The following ADCY2 variants were observed in gnomAD, a reference collection of about 807,000 sequenced individuals.
ADCY2 encodes the protein adenylate cyclase type 2.
Under a neutral mutation model 125.2 loss-of-function variants are expected in ADCY2, and 31 were observed. That is an observed-to-expected ratio of 0.25 (90% CI 0.19 to 0.33). ADCY2 has a LOEUF of 0.33. Among genes scored for constraint, ADCY2 ranks in the 10% least tolerant of loss-of-function variants. The pLI is 1.00. For missense variants in ADCY2, 904 were observed against 1,418.2 expected, an observed-to-expected ratio of 0.64 and a Z score of 5.82; for synonymous variants, 512 against 548.4, an observed-to-expected ratio of 0.93 and a Z score of 0.93.
chr5:7,564,584 T>A (rs1373503193), intron 3 of ADCY2, among the ~76,000 whole-genome samples: 1 of 152,112 alleles, frequency 6.6e-6, no homozygotes, highest in East Asian at 1.9e-4. Context: ...CTGCCTGTGA[T>A]CTTCATAGTT....
At chr5:7,559,352 G>T (rs1275404930) in intron 3 of ADCY2, among the ~76,000 whole-genome samples, 1 of 152,040 alleles carries the variant, frequency 6.6e-6, no homozygotes, top group East Asian at 1.9e-4. Context: ...TGATTTCTTT[G>T]AGCAGTATTT....
chr5:7,542,659 C>G (rs1004913695), intron 3 of ADCY2, among the ~76,000 whole-genome samples: 1 of 152,198 alleles, frequency 6.6e-6, no homozygotes, highest in Non-Finnish European at 1.5e-5. Context: ...CGCCACGCAG[C>G]AGCGCTGAGA....
At chr5:7,769,202 G>T (rs542010924) in intron 17 of ADCY2, among the ~76,000 whole-genome samples, 6 of 152,026 alleles carry the variant, frequency 3.9e-5, no homozygotes, top group African/African-American at 1.4e-4. Context: ...AAGTGAAAAG[G>T]TTTACCAAAA....
At chr5:7,412,036 C>G (rs1739737658) in intron 1 of ADCY2, among the ~76,000 whole-genome samples, 2 of 151,024 alleles carry the variant, frequency 1.3e-5, no homozygotes, top group African/African-American at 4.9e-5. Flanking sequence ...GATCCCGCCA[C>G]AGCACTCCAG....
intron 3 of ADCY2, among the ~76,000 whole-genome samples, chr5:7,573,593 C>CTGTTTTTT (rs1736134483): frequency 1.2e-5 from 1 of 86,376 alleles, no homozygotes; most frequent in Non-Finnish European, 2.4e-5. Flanking sequence ...GGTTGATTTT[C>CTGTTTTTT]TTTTTTTTTT....
intron 2 of ADCY2, among the ~76,000 whole-genome samples, chr5:7,438,618 A>G (rs1195833013): frequency 2.6e-5 from 4 of 152,170 alleles, no homozygotes; most frequent in African/African-American, 9.7e-5. Context: ...AGAAACACTG[A>G]ACTCTGAGTT....
At chr5:7,478,792 T>C (rs985860238) in intron 2 of ADCY2, among the ~76,000 whole-genome samples, 2 of 152,174 alleles carry the variant, frequency 1.3e-5, no homozygotes, top group Non-Finnish European at 2.9e-5. Context: ...AGATTTTACA[T>C]TATGTATTGG....
rs3033085 is a variant in ADCY2 at position 7,459,772 on chromosome 5, A to ATTTT, written c.408+45032_408+45035dup. Among the ~76,000 whole-genome samples the ATTTT allele has an allele frequency of 9.9e-3, 725 of 72,900 alleles. 64 individuals carry two copies. The highest frequency in any genetic ancestry group is 0.024 in the African/African-American group (391 of 16,358). The allele number at this position is 72,900 out of a possible 152,430, so 47.8% of individuals were successfully genotyped here. ...GAACTATCTAGCAGTTTAAGAGGTAATTTTTTTTTTTTTTTTTTTTTTTTT... is the reference window on the plus strand; with the variant it reads ...GAACTATCTAGCAGTTTAAGAGGTAATTTTTTTTTTTTTTTTTTTTTTTTTTTTT... On this transcript the variant is annotated intron_variant, in intron 2 of 24. Transcript: ENST00000338316.
chr5:7,679,285 C>T (rs1394863166), intron 4 of ADCY2, among the ~76,000 whole-genome samples: 2 of 151,962 alleles, frequency 1.3e-5, no homozygotes, highest in African/African-American at 4.8e-5. Flanking sequence ...GAGCGTGCTC[C>T]AGTGCGGGTC....
chr5:7,659,842 C>T lies in ADCY2; in HGVS notation c.721-30849C>T, dbSNP rs191208558. ...GCGAGAGCCTCCAGTTACATACTAC[C>T]TGCTTTCCAAACTGGTGTGCCTAAT... is the stretch of plus-strand genomic sequence containing the variant. On this transcript the variant is annotated intron_variant, in intron 4 of 24. Coordinates refer to ENST00000338316, the MANE Select transcript of ADCY2 (RefSeq NM_020546.3). 4.2e-3 allele frequency among the ~76,000 whole-genome samples: 633 copies of T among 152,338 alleles called. 5 individuals carry two copies. The highest frequency in any genetic ancestry group is 0.014 in the African/African-American group (596 of 41,568).
At chr5:7,746,633 A>AT (rs1742634080) in intron 15 of ADCY2, among the ~76,000 whole-genome samples, 1 of 152,096 alleles carries the variant, frequency 6.6e-6, no homozygotes, top group Non-Finnish European at 1.5e-5. Context: ...TTTTATAATG[A>AT]TTTGCATTTA....
chr5:7,411,777 C>T (rs1253622169), intron 1 of ADCY2, among the ~76,000 whole-genome samples: 2 of 152,072 alleles, frequency 1.3e-5, no homozygotes, highest in African/African-American at 4.8e-5. Flanking sequence ...CAGAGAGATC[C>T]TTTAAAAGAG....
intron 12 of ADCY2, among the ~76,000 whole-genome samples, chr5:7,723,737 G>A (rs1032540058): frequency 9.9e-5 from 15 of 151,748 alleles, no homozygotes; most frequent in Non-Finnish European, 1.8e-4. Flanking sequence ...CCTGGCCAAC[G>A]TGGTGAAACC....
chr5:7,757,831 T>C (rs559766484), intron 16 of ADCY2, among the ~76,000 whole-genome samples: 4 of 152,314 alleles, frequency 2.6e-5, no homozygotes, highest in Non-Finnish European at 4.4e-5. Flanking sequence ...AGTTGCTGCC[T>C]ATTAAATTTA....
intron 4 of ADCY2, among the ~76,000 whole-genome samples, chr5:7,667,422 TTCCAAAC>T (rs1228399985): frequency 6.6e-6 from 1 of 152,192 alleles, no homozygotes; most frequent in African/African-American, 2.4e-5. Flanking sequence ...GTTCATCTGG[TTCCAAAC>T]TCCAAAAGAT....
chr5:7,807,919 A>G (rs1296230723), intron 22 of ADCY2, among the ~76,000 whole-genome samples: 1 of 152,158 alleles, frequency 6.6e-6, no homozygotes, highest in Admixed American at 6.5e-5. Context: ...TGGTGCACCC[A>G]TGACCTGTAG....
At chr5:7,690,468 C>A in intron 4 of ADCY2, 1 of 352,966 alleles carries the variant, frequency 2.8e-6, no homozygotes, top group South Asian at 1.3e-4. Context: ...TACTGAAGAA[C>A]ACACACTTAG....
intron 4 of ADCY2, among the ~76,000 whole-genome samples, chr5:7,681,530 A>G (rs1426317385): frequency 1.3e-5 from 2 of 152,188 alleles, no homozygotes. Flanking sequence ...GGATTCAGTC[A>G]TGTGTTCAAG....
intron 3 of ADCY2, 150 bp from the exon 4 acceptor site, chr5:7,626,017 A>G: frequency 1.1e-6 from 1 of 909,758 alleles, no homozygotes; most frequent in East Asian, 2.5e-5. Context: ...TTTTCTGTTA[A>G]GCAAATAAAA....
Sources: gnomAD v4.1 joint callset for allele counts (sites outside exome capture counted in the v4.1 genomes callset) on GRCh38, gnomAD v4.1.1 for gene constraint, MANE v1.5 for transcripts, NCBI Gene and HGNC (gene_info 2026-07-23, HGNC 2026-07-21) for gene names.